Variants in BORCS5 observed in about 807,000 individuals in gnomAD.
The protein encoded by BORCS5 is BLOC-1 related complex subunit 5.
In BORCS5, 17 loss-of-function variants were observed where a neutral mutation model predicts 22.1. The observed-to-expected ratio is 0.77, with a 90% CI of 0.53 to 1.15. BORCS5 has a LOEUF of 1.15. BORCS5 is among the 50% of genes most tolerant of loss of function. The pLI is 0.00. For synonymous variants in BORCS5, 117 were observed against 99.8 expected (o/e 1.17, Z -1.03); for missense variants, 247 against 253.2 (o/e 0.98, Z 0.17).
chr12:12,449,832 C>A (rs890629786), intron 3 of BORCS5, among the ~76,000 whole-genome samples: 5 of 152,066 alleles, frequency 3.3e-5, no homozygotes, highest in African/African-American at 1.2e-4. Flanking sequence ...TAATAAGGAG[C>A]CGGGGAAGGT....
intron 3 of BORCS5, among the ~76,000 whole-genome samples, chr12:12,438,372 A>AAAAAAAAAAAAAAC (rs1942604651): frequency 7.7e-6 from 1 of 129,788 alleles, no homozygotes; most frequent in East Asian, 1.9e-4. Context: ...AAAAAAAAAA[A>AAAAAAAAAAAAAAC]AAAAAAAACG....
At chr12:12,358,621 C>T (rs935452953) in intron 1 of BORCS5, among the ~76,000 whole-genome samples, 6 of 152,202 alleles carry the variant, frequency 3.9e-5, no homozygotes, top group Admixed American at 3.9e-4. Context: ...TGCCCATGAA[C>T]CAACAGCATT....
At position 12,357,164 on chromosome 12, in the gene BORCS5, C is replaced by T. The variant is rs908532463; in HGVS notation, c.-288C>T. Reference sequence around the variant, plus strand: ...CCGCCGGCCGCAGGTGCGGCAAAGCCAGTGTCATCTGCCGGTTCTCTTAGG... The same window carrying T: ...CCGCCGGCCGCAGGTGCGGCAAAGCTAGTGTCATCTGCCGGTTCTCTTAGG... On this transcript the variant is annotated 5_prime_UTR_variant, in exon 1 of 4. Transcript: ENST00000314565. 8 of 1,530,586 alleles carry T rather than the reference C, an allele frequency of 5.2e-6. No individual in the cohort carries two copies. The highest frequency in any genetic ancestry group is 2.7e-5 in the African/African-American group (2 of 72,888). 94.8% of individuals were successfully genotyped at this position (1,530,586 alleles called of 1,614,324 possible). A position where few individuals can be genotyped will look rare whatever the true frequency, so the allele number is the denominator to read the frequency against.
chr12:12,415,277 G>A (rs1213824631), intron 2 of BORCS5, among the ~76,000 whole-genome samples: 4 of 150,636 alleles, frequency 2.7e-5, no homozygotes, highest in African/African-American at 9.7e-5. Context: ...CTGAGTGAAC[G>A]AGACTCCGTC....
At chr12:12,460,330 A>G (rs1565938728) in intron 3 of BORCS5, among the ~76,000 whole-genome samples, 1 of 152,354 alleles carries the variant, frequency 6.6e-6, no homozygotes, top group South Asian at 2.1e-4. Flanking sequence ...TAGAAATACA[A>G]TTGATTTCTG....
intron 3 of BORCS5, among the ~76,000 whole-genome samples, chr12:12,455,901 A>AT (rs1942991401): frequency 6.6e-6 from 1 of 152,106 alleles, no homozygotes; most frequent in South Asian, 2.1e-4. Context: ...ATGGATGTGA[A>AT]TTTTGTTAAC....
chr12:12,460,590 C>T (rs1332223996), intron 3 of BORCS5, among the ~76,000 whole-genome samples: 4 of 152,190 alleles, frequency 2.6e-5, no homozygotes, highest in African/African-American at 9.7e-5. Context: ...AAGTGTCTTT[C>T]ACCAATAACT....
At chr12:12,421,983 TG>T (rs1246916984) in intron 2 of BORCS5, among the ~76,000 whole-genome samples, 1 of 152,188 alleles carries the variant, frequency 6.6e-6, no homozygotes, top group Non-Finnish European at 1.5e-5. Context: ...TCAATTTTGT[TG>T]ATCTTTTCAA....
At chr12:12,429,469 G>A (rs1158844859) in intron 2 of BORCS5, among the ~76,000 whole-genome samples, 1 of 152,138 alleles carries the variant, frequency 6.6e-6, no homozygotes, top group Non-Finnish European at 1.5e-5. Flanking sequence ...GTGGGTTTAT[G>A]GAGATTCCTA....
At chr12:12,359,688 G>T (rs955056806) in intron 1 of BORCS5, among the ~76,000 whole-genome samples, 3 of 131,930 alleles carry the variant, frequency 2.3e-5, no homozygotes, top group Non-Finnish European at 5.1e-5. Flanking sequence ...AAAAAAAAAA[G>T]AGTGAGGAGG....
chr12:12,409,075 T>C (rs1941655917), intron 2 of BORCS5, among the ~76,000 whole-genome samples: 2 of 148,872 alleles, frequency 1.3e-5, no homozygotes, highest in South Asian at 4.2e-4. Flanking sequence ...GAGTAAGGGT[T>C]CTACATCTTT....
At chr12:12,424,288 C>G (rs1415272397) in intron 2 of BORCS5, among the ~76,000 whole-genome samples, 1 of 152,174 alleles carries the variant, frequency 6.6e-6, no homozygotes, top group African/African-American at 2.4e-5. Flanking sequence ...TCATTATTCA[C>G]TCATTCTTTC....
At chr12:12,397,232 C>T (rs1452245820) in intron 2 of BORCS5, among the ~76,000 whole-genome samples, 1 of 152,156 alleles carries the variant, frequency 6.6e-6, no homozygotes, top group Non-Finnish European at 1.5e-5. Flanking sequence ...ATGCCCTGTC[C>T]TAAAGTATTT....
chr12:12,395,165 G>A (rs1405177966), intron 2 of BORCS5, among the ~76,000 whole-genome samples: 2 of 151,946 alleles, frequency 1.3e-5, no homozygotes, highest in Admixed American at 6.6e-5. Flanking sequence ...AGCAAAGTGG[G>A]TCTGAATATC....
intron 2 of BORCS5, among the ~76,000 whole-genome samples, chr12:12,413,406 C>G (rs1423440542): frequency 1.4e-5 from 2 of 144,648 alleles, no homozygotes; most frequent in Non-Finnish European, 3.0e-5. Flanking sequence ...GATAAGGTCA[C>G]AGATCAACAG....
chr12:12,413,488 A>G (rs1941800579), intron 2 of BORCS5, among the ~76,000 whole-genome samples: 4 of 150,528 alleles, frequency 2.7e-5, no homozygotes, highest in Admixed American at 2.6e-4. Flanking sequence ...CTCCATCCAC[A>G]CAGACCCGGC....
intron 3 of BORCS5, among the ~76,000 whole-genome samples, chr12:12,461,067 G>A (rs538507718): frequency 6.6e-6 from 1 of 151,960 alleles, no homozygotes; most frequent in African/African-American, 2.4e-5. Flanking sequence ...GAAATGGACT[G>A]CCCCAGAGAT....
intron 2 of BORCS5, among the ~76,000 whole-genome samples, chr12:12,402,350 G>A (rs573587056): frequency 1.3e-5 from 2 of 152,116 alleles, no homozygotes; most frequent in African/African-American, 4.8e-5. Context: ...CATGAGATTC[G>A]TGAATTCAGC....
intron 2 of BORCS5, among the ~76,000 whole-genome samples, chr12:12,383,561 A>G (rs1000907711): frequency 4.0e-5 from 6 of 149,972 alleles, no homozygotes; most frequent in African/African-American, 1.5e-4. Flanking sequence ...CAAATTCACT[A>G]GCAGATTTTC....
Sources: allele counts gnomAD v4.1 joint callset (sites outside exome capture counted in the v4.1 genomes callset), GRCh38; gene constraint gnomAD v4.1.1; transcripts MANE v1.5; gene names NCBI Gene and HGNC (gene_info 2026-07-23, HGNC 2026-07-21).